PAM: variants seen among roughly 807,000 people sequenced by gnomAD.
The protein encoded by PAM is peptidyl-glycine alpha-amidating monooxygenase.
In PAM, 72 loss-of-function variants were observed where a neutral mutation model predicts 122.1. The ratio of observed to expected loss-of-function variants is 0.59; its 90% CI spans 0.49 to 0.72. The LOEUF is 0.72. Among genes scored for constraint, PAM ranks in the 30% least tolerant of loss-of-function variants. The pLI is 0.00. For synonymous variants in PAM, 389 were observed against 404.4 expected (o/e 0.96, Z 0.46); for missense variants, 1,106 against 1,183.7 (o/e 0.93, Z 0.96).
At chr5:102,858,857 G>A (rs1783305048) in intron 1 of PAM, among the ~76,000 whole-genome samples, 1 of 152,104 alleles carries the variant, frequency 6.6e-6, no homozygotes, top group African/African-American at 2.4e-5. Flanking sequence ...GCCTCATAAT[G>A]ATGCTTTACT....
intron 12 of PAM, among the ~76,000 whole-genome samples, chr5:102,954,951 C>T (rs1160352763): frequency 6.6e-6 from 1 of 152,034 alleles, no homozygotes; most frequent in Non-Finnish European, 1.5e-5. Flanking sequence ...AAATATATTA[C>T]ATGCAAAGAT....
rs374619620 is a variant in PAM at position 102,974,440 on chromosome 5, C to G, written c.1483+4C>G. 6.3e-7 allele frequency: 1 copy of G among 1,591,666 alleles called. No homozygotes were observed. The highest frequency in any genetic ancestry group is 1.1e-5 in the South Asian group (1 of 88,950). On this transcript the variant is annotated splice_donor_region_variant and intron_variant, in intron 15 of 25. Transcript: ENST00000438793. The stretch of plus-strand genomic sequence containing the variant: ...TGGGAACCAGAACACACAGGAGGTG[C>G]GTGTAGGGTTTCTTTTAAGCAGTAA...
Position 102,939,508 on chromosome 5 carries a change from T to C in PAM, c.527-7329T>C, listed in dbSNP as rs550168913. 3.9e-4 allele frequency among the ~76,000 whole-genome samples: 59 copies of C among 152,250 alleles called. No homozygotes were observed. The South Asian group carries it at 0.012, about 30-fold the overall frequency. ...ACGTTTTGTCTTATAGTATAAAGTC[T>C]TGCAAAATTCCAAGGGAATGTTGAG... On this transcript the variant is annotated intron_variant, in intron 7 of 25. Transcript: ENST00000438793.
intron 16 of PAM, among the ~76,000 whole-genome samples, chr5:102,993,689 G>A (rs528006130): frequency 2.0e-5 from 3 of 152,102 alleles, no homozygotes; most frequent in South Asian, 2.1e-4. Flanking sequence ...ACATCATCAG[G>A]ATCTGTTTTA....
intron 3 of PAM, among the ~76,000 whole-genome samples, chr5:102,895,054 C>A (rs1795827447): frequency 6.6e-6 from 1 of 151,592 alleles, no homozygotes. Context: ...AACCAAAATT[C>A]TTAAATGAAC....
chr5:102,879,625 C>T (rs1298480529), intron 3 of PAM, among the ~76,000 whole-genome samples: 1 of 152,132 alleles, frequency 6.6e-6, no homozygotes, highest in Non-Finnish European at 1.5e-5. Context: ...CCCCTTTTGC[C>T]ATCTGCCATG....
chr5:103,007,467 GAGC>G lies in PAM; in HGVS notation c.2028_2030del (p.Ser677del). On this transcript the variant is annotated inframe_deletion, in exon 20 of 26. Coordinates refer to ENST00000438793, the MANE Select transcript of PAM (RefSeq NM_001177306.2). ...TTTTTTGTTCTGCAGAGTCTTCAGG[GAGC>G]AGTCCTCTGCCAGGCCAGTTCACTG... is the stretch of plus-strand genomic sequence containing the variant. 6.2e-7 allele frequency: 1 copy of G among 1,613,760 alleles called. No homozygotes were observed. Among genetic ancestry groups the G allele is most frequent in the Non-Finnish European group, 8.5e-7 (1 of 1,179,832 alleles).
chr5:102,981,062 T>C (rs1038798626), intron 15 of PAM, among the ~76,000 whole-genome samples: 13 of 152,158 alleles, frequency 8.5e-5, no homozygotes, highest in African/African-American at 3.1e-4. Context: ...GGTTCTAATA[T>C]GTGACAAATG....
At chr5:102,855,258 A>G (rs79678562) in intron 1 of PAM, among the ~76,000 whole-genome samples, 3,030 of 152,284 alleles carry the variant, frequency 0.02, 40 homozygotes, top group Middle Eastern at 0.054. Flanking sequence ...AAAAATTTCC[A>G]TATGTTTTTC....
intron 3 of PAM, among the ~76,000 whole-genome samples, chr5:102,894,860 T>G (rs1795755988): frequency 6.6e-6 from 1 of 151,758 alleles, no homozygotes. Context: ...ATTTTACCTT[T>G]TAAATGTCTC....
At position 102,872,020 on chromosome 5, in the gene PAM, T is replaced by C. The variant is rs552357361; in HGVS notation, c.210+4627T>C. Among the ~76,000 whole-genome samples, 26 of 152,260 alleles carry C rather than the reference T, an allele frequency of 1.7e-4. No individual in the cohort carries two copies. The South Asian group carries it at 4.6e-3, about 27-fold the overall frequency. The stretch of plus-strand genomic sequence containing the variant: ...CTAATTTCTTAAAGCCTTATATTAA[T>C]TGAATTTCTTTCAATGAAGATGTTT... On this transcript the variant is annotated intron_variant, in intron 3 of 25. Coordinates refer to ENST00000438793, the MANE Select transcript of PAM (RefSeq NM_001177306.2).
chr5:102,941,785 G>T (rs1156342399), intron 7 of PAM, among the ~76,000 whole-genome samples: 1 of 122,606 alleles, frequency 8.2e-6, no homozygotes, highest in Non-Finnish European at 1.6e-5. Context: ...CCATTTTTTT[G>T]AGTACTGTTA....
chr5:102,913,373 T>C (rs1802032273), intron 4 of PAM, among the ~76,000 whole-genome samples: 1 of 152,028 alleles, frequency 6.6e-6, no homozygotes, highest in Non-Finnish European at 1.5e-5. Flanking sequence ...ACAGTAATTT[T>C]ATGTCTTTCG....
chr5:102,772,845 T>C (rs1319403250), intron 1 of PAM, among the ~76,000 whole-genome samples: 1 of 152,140 alleles, frequency 6.6e-6, no homozygotes, highest in Non-Finnish European at 1.5e-5. Context: ...TCAAACTGTG[T>C]CTACCTTTTA....
intron 1 of PAM, among the ~76,000 whole-genome samples, chr5:102,835,566 C>G (rs1268150273): frequency 2.0e-5 from 3 of 151,506 alleles, no homozygotes; most frequent in African/African-American, 7.3e-5. Flanking sequence ...TGGAAGAACC[C>G]CACAAGTGTG....
chr5:102,800,946 C>A (rs1764565153), intron 1 of PAM, among the ~76,000 whole-genome samples: 1 of 152,028 alleles, frequency 6.6e-6, no homozygotes, highest in Non-Finnish European at 1.5e-5. Flanking sequence ...GGGCTAGAAT[C>A]CAGTTTTGAA....
chr5:102,759,896 G>A (rs1176559530), intron 1 of PAM, among the ~76,000 whole-genome samples: 18 of 152,034 alleles, frequency 1.2e-4, no homozygotes, highest in Admixed American at 1.2e-3. Flanking sequence ...AGGCAGTGGT[G>A]GAAGAAAGAT....
intron 1 of PAM, among the ~76,000 whole-genome samples, chr5:102,815,271 T>C (rs1372650812): frequency 6.6e-6 from 1 of 151,872 alleles, no homozygotes; most frequent in Admixed American, 6.6e-5. Context: ...AAAGTAAAGA[T>C]AGAAACCAGG....
intron 5 of PAM, among the ~76,000 whole-genome samples, chr5:102,919,992 T>C (rs1445252962): frequency 6.6e-6 from 1 of 152,124 alleles, no homozygotes; most frequent in Non-Finnish European, 1.5e-5. Flanking sequence ...ACAAGACTAG[T>C]ACTTTATGTT....
Sources: allele counts gnomAD v4.1 joint callset (sites outside exome capture counted in the v4.1 genomes callset), GRCh38; gene constraint gnomAD v4.1.1; transcripts MANE v1.5; gene names NCBI Gene and HGNC (gene_info 2026-07-23, HGNC 2026-07-21).